Variants in FRMPD4 observed in about 807,000 individuals in gnomAD.
FRMPD4 encodes the protein FERM and PDZ domain-containing protein 4.
Under a neutral mutation model 94.1 loss-of-function variants are expected in FRMPD4, and 22 were observed. That is an observed-to-expected ratio of 0.23 (90% confidence interval 0.17 to 0.33). FRMPD4 has a LOEUF of 0.33. Ranked by LOEUF, FRMPD4 falls within the 10% of genes least tolerant of loss-of-function variation. FRMPD4 has a pLI of 1.00. For missense variants in FRMPD4, 1,111 were observed against 1,339.9 expected, an observed-to-expected ratio of 0.83 and a Z score of 2.67; for synonymous variants, 631 against 548.6, an observed-to-expected ratio of 1.15 and a Z score of -2.10.
intron 1 of FRMPD4, among the ~76,000 whole-genome samples, chrX:12,269,040 G>GGA (rs1488547861): frequency 8.9e-6 from 1 of 112,127 alleles, no homozygotes; most frequent in Non-Finnish European, 1.9e-5. Context: ...TCTAGAAAAT[G>GGA]GAGAGTGAGA....
intron 1 of FRMPD4, among the ~76,000 whole-genome samples, chrX:12,272,437 C>T (rs1011212102): frequency 1.8e-5 from 2 of 111,235 alleles, no homozygotes; most frequent in East Asian, 2.8e-4. Context: ...AGGGAGAGGA[C>T]GGGAGGCTGA....
chrX:11,889,739 G>A (rs1473056222), intron 3 of FRMPD4, among the ~76,000 whole-genome samples: 1 of 112,144 alleles, frequency 8.9e-6, no homozygotes, highest in East Asian at 2.8e-4. Flanking sequence ...GCTACGTAAA[G>A]CTGGGAAGTC....
At chrX:12,332,051 A>T (rs58791798) in intron 1 of FRMPD4, among the ~76,000 whole-genome samples, 7 of 75,867 alleles carry the variant, frequency 9.2e-5, no homozygotes, top group South Asian at 5.7e-4. Context: ...CTATATATAA[A>T]TTATATGTAA....
intron 4 of FRMPD4, among the ~76,000 whole-genome samples, chrX:12,645,347 C>CTTTTTTTTTTTTTTTTTTTTTTTT (rs138817056): frequency 7.2e-5 from 4 of 55,628 alleles, no homozygotes; most frequent in African/African-American, 3.5e-4. Context: ...CACTCTCACT[C>CTTTTTTTTTTTTTTTTTTTTTTTT]TTTTTTTTTT....
intron 1 of FRMPD4, among the ~76,000 whole-genome samples, chrX:11,836,907 T>G (rs889075738): frequency 8.9e-6 from 1 of 112,141 alleles, no homozygotes; most frequent in Admixed American, 9.5e-5. Flanking sequence ...GAGAAGTATA[T>G]GTTCATGATA....
chrX:12,048,478 A>G (rs1252852346), intron 3 of FRMPD4, among the ~76,000 whole-genome samples: 2 of 112,021 alleles, frequency 1.8e-5, no homozygotes, highest in African/African-American at 3.2e-5. Context: ...TGCTGTGCAG[A>G]AAGTCTTTAG....
chrX:12,702,029 C>T lies in FRMPD4; in HGVS notation c.1070+19C>T. 3.3e-6 allele frequency: 4 copies of T among 1,200,373 alleles called. No individual in the cohort carries two copies. Among genetic ancestry groups the T allele is most frequent in the Non-Finnish European group, 3.4e-6 (3 of 885,548 alleles). On this transcript the variant is annotated intron_variant, in intron 10 of 16. Coordinates refer to ENST00000675598, the MANE Select transcript of FRMPD4 (RefSeq NM_001368397.1). The stretch of plus-strand genomic sequence containing the variant: ...ACATCGAGTAAGTGTTGACTCTCAG[C>T]GCCATTTCGGAGACAGACATGCCGC...
rs146493613 is a variant in FRMPD4 at position 12,686,106 on chromosome X, A to G, written c.583A>G (p.Lys195Glu). The change falls in exon 7 of 17, where the codon AAG (lysine) becomes GAG (glutamate). Residue 195 changes from lysine (K) to glutamate (E), a missense_variant. Lys to Glu is a moderately conservative substitution (Grantham distance 56). Around this residue, in one of 8 missense-constraint regions of FRMPD4, gnomAD observed 140 missense variants for 165.9 expected, o/e 0.84. Coordinates refer to ENST00000675598, the MANE Select transcript of FRMPD4 (RefSeq NM_001368397.1). The part of the protein sequence containing the change: ...IINGQVSETV[K>E]DNSLLFMPNV... ...TTTTTTTGTTAAACAGGAAACTGTT[A>G]AGGACAACTCACTTCTTTTTATGCC... 1.3e-4 allele frequency: 142 copies of G among 1,130,231 alleles called. No homozygotes were observed. The highest frequency in any genetic ancestry group is 1.7e-4 in the Non-Finnish European group (139 of 824,139). 93.1% of individuals were successfully genotyped at this position (1,130,231 alleles called of 1,213,427 possible).
chrX:12,006,865 T>A (rs2054556764), intron 3 of FRMPD4, among the ~76,000 whole-genome samples: 2 of 111,920 alleles, frequency 1.8e-5, no homozygotes, highest in South Asian at 7.5e-4. Flanking sequence ...AGCAGCCAAC[T>A]GTAGCTTGTC....
chrX:12,389,001 A>G (rs758435275), intron 1 of FRMPD4, among the ~76,000 whole-genome samples: 1 of 108,511 alleles, frequency 9.2e-6, no homozygotes, highest in East Asian at 2.9e-4. Flanking sequence ...TGTGGAATCT[A>G]AAACAATTGA....
At chrX:12,600,310 C>T (rs931957555) in intron 2 of FRMPD4, among the ~76,000 whole-genome samples, 1 of 111,364 alleles carries the variant, frequency 9.0e-6, no homozygotes, top group African/African-American at 3.3e-5. Flanking sequence ...TTCTTACAAA[C>T]CAAATGGAAG....
At chrX:12,688,073 T>C (rs2060044532) in intron 7 of FRMPD4, among the ~76,000 whole-genome samples, 1 of 111,904 alleles carries the variant, frequency 8.9e-6, no homozygotes. Flanking sequence ...AAGAGCAAAT[T>C]TTTCTTTAGG....
intron 1 of FRMPD4, among the ~76,000 whole-genome samples, chrX:12,279,061 T>A (rs1450809722): frequency 8.8e-6 from 1 of 113,218 alleles, no homozygotes; most frequent in African/African-American, 3.2e-5. Flanking sequence ...CAAAGCTCCC[T>A]GTTTGATCTG....
At chrX:12,465,788 G>A (rs183460278) in intron 1 of FRMPD4, among the ~76,000 whole-genome samples, 280 of 112,205 alleles carry the variant, frequency 2.5e-3, no homozygotes, top group African/African-American at 8.2e-3. Flanking sequence ...TTGAGAACAA[G>A]CCAAAATCAG....
intron 2 of FRMPD4, among the ~76,000 whole-genome samples, chrX:12,548,986 G>A (rs1395111663): frequency 9.0e-6 from 1 of 111,600 alleles, no homozygotes; most frequent in African/African-American, 3.3e-5. Context: ...CACAGTTTCT[G>A]AAGGAGCCTG....
chrX:12,212,137 A>G (rs1199570329), intron 1 of FRMPD4, among the ~76,000 whole-genome samples: 1 of 111,277 alleles, frequency 9.0e-6, no homozygotes, highest in African/African-American at 3.3e-5. Context: ...TAAATATTTT[A>G]GGCTTTGCAA....
intron 3 of FRMPD4, among the ~76,000 whole-genome samples, chrX:11,919,866 A>G (rs1328129710): frequency 8.9e-6 from 1 of 112,524 alleles, no homozygotes; most frequent in African/African-American, 3.2e-5. Flanking sequence ...ACTGCATGCT[A>G]TCTGCTGGAT....
At chrX:11,838,509 A>G (rs1376751846) in intron 1 of FRMPD4, among the ~76,000 whole-genome samples, 1 of 111,171 alleles carries the variant, frequency 9.0e-6, no homozygotes, top group Non-Finnish European at 1.9e-5. Flanking sequence ...AATTTACCCA[A>G]AGGTTTTCTT....
intron 2 of FRMPD4, among the ~76,000 whole-genome samples, chrX:12,525,721 A>G: frequency 8.9e-6 from 1 of 111,964 alleles, no homozygotes; most frequent in South Asian, 3.8e-4. Context: ...GAAACTGCCA[A>G]ATGTTTTCCA....
Sources: allele counts gnomAD v4.1 joint callset (sites outside exome capture counted in the v4.1 genomes callset), GRCh38; gene constraint gnomAD v4.1.1; regional missense constraint gnomAD v4.1.1; transcripts MANE v1.5; gene names NCBI Gene and HGNC (gene_info 2026-07-23, HGNC 2026-07-21).